TMEM123: variants seen among roughly 807,000 people sequenced by gnomAD.
TMEM123 encodes porimin.
Under a neutral mutation model 19.7 loss-of-function variants are expected in TMEM123, and 16 were observed. The observed-to-expected ratio is 0.81, with a 90% CI of 0.55 to 1.23. The LOEUF (loss-of-function observed/expected upper bound fraction) is 1.23. Ranked by LOEUF, TMEM123 falls within the 50% of genes most tolerant of loss-of-function variation. The pLI is 0.00. For missense variants in TMEM123, 313 were observed against 257.8 expected, an observed-to-expected ratio of 1.21 and a Z score of -1.47; for synonymous variants, 118 against 99.4, an observed-to-expected ratio of 1.19 and a Z score of -1.12.
chr11:102,435,636 T>C lies in TMEM123; in HGVS notation c.157+13176A>G, dbSNP rs1166042513. On this transcript the variant is annotated intron_variant, in intron 2 of 4. Transcript: ENST00000398136. ...GCAAAAGTGTTTACACAAATATTCA[T>C]AGAAGCACTATTCATAATATCAAAA... Among the ~76,000 whole-genome samples, 4 of 151,932 alleles carry C rather than the reference T, an allele frequency of 2.6e-5. 1 individual carries two copies. The highest frequency in any genetic ancestry group is 4.4e-5 in the Non-Finnish European group (3 of 67,896).
At position 102,398,826 on chromosome 11, in the gene TMEM123, G is replaced by GTA. The variant is rs1951883639; in HGVS notation, c.*40_*41insTA. ...TAATAAACCAAAATTAATTGATAGG[G>GTA]CAGCATCAATCTGTATTCCATCCTT... On this transcript the variant is annotated 3_prime_UTR_variant, in exon 5 of 5. Transcript: ENST00000398136. 6.2e-7 allele frequency: 1 copy of GTA among 1,600,056 alleles called. No individual in the cohort carries two copies. The highest frequency in any genetic ancestry group is 8.5e-7 in the Non-Finnish European group (1 of 1,173,528).
In TMEM123 at chr11:102,396,495, A is replaced by T. The variant is rs1951856813; in HGVS notation, c.*2372T>A. 1 of 152,242 alleles carries T rather than the reference A, an allele frequency of 6.6e-6. No individual in the cohort carries two copies. Among genetic ancestry groups the T allele is most frequent in the African/African-American group, 2.4e-5 (1 of 41,460 alleles). 9.4% of individuals were successfully genotyped at this position (152,242 alleles called of 1,614,324 possible). A position where few individuals can be genotyped will look rare whatever the true frequency, so the allele number is the denominator to read the frequency against. ...GCCAACTCTGTTTATCTGTATTTGA[A>T]TTATTCCTTTCATGGATTATTCAAG... On this transcript the variant is annotated 3_prime_UTR_variant, in exon 5 of 5. Coordinates refer to ENST00000398136, the MANE Select transcript of TMEM123 (RefSeq NM_052932.3).
intron 2 of TMEM123, chr11:102,448,406 T>C (rs1857905803): frequency 7.5e-6 from 3 of 399,054 alleles, no homozygotes; most frequent in South Asian, 3.7e-5. Context: ...AGGGTCTCCT[T>C]AGAGTCAGCA....
chr11:102,416,162 A>C (rs1410190443), intron 2 of TMEM123, among the ~76,000 whole-genome samples: 1 of 152,152 alleles, frequency 6.6e-6, no homozygotes, highest in East Asian at 1.9e-4. Flanking sequence ...TGATCCACTC[A>C]CCCTGGCCTC....
rs1469089459 is a variant in TMEM123 at position 102,396,930 on chromosome 11, TGAA to T, written c.*1934_*1936del. The T allele has an allele frequency of 3.3e-5, 5 of 152,212 alleles. No individual in the cohort carries two copies. Among genetic ancestry groups the T allele is most frequent in the African/African-American group, 1.2e-4 (5 of 41,450 alleles). The allele number at this position is 152,212 out of a possible 1,614,324, so 9.4% of individuals were successfully genotyped here. Reference sequence around the variant, plus strand: ...TCGGTCTACGAAGTTCTGACTGACTTGAAGTAGTGAAATACCAAGAATGCAGTG... The same window carrying T: ...TCGGTCTACGAAGTTCTGACTGACTTGTAGTGAAATACCAAGAATGCAGTG... On this transcript the variant is annotated 3_prime_UTR_variant, in exon 5 of 5. Coordinates refer to ENST00000398136, the MANE Select transcript of TMEM123 (RefSeq NM_052932.3).
At position 102,452,513 on chromosome 11, in the gene TMEM123, C is replaced by A. The variant is rs1041270966; in HGVS notation, c.100+11G>T. The stretch of plus-strand genomic sequence containing the variant: ...CCACGAACGGGGCTGACGACCCCCG[C>A]AGCCACTTACCCGCCATGGCTGCGC... On this transcript the variant is annotated intron_variant, in intron 1 of 4. Transcript: ENST00000398136. 8 of 1,523,554 alleles carry A rather than the reference C, an allele frequency of 5.3e-6. No homozygotes were observed. The highest frequency in any genetic ancestry group is 7.0e-6 in the Non-Finnish European group (8 of 1,136,774). The allele number at this position is 1,523,554 out of a possible 1,614,324, so 94.4% of individuals were successfully genotyped here. A position where few individuals can be genotyped will look rare whatever the true frequency, so the allele number is the denominator to read the frequency against.
intron 2 of TMEM123, among the ~76,000 whole-genome samples, chr11:102,433,476 C>T (rs1221151400): frequency 6.6e-6 from 1 of 151,870 alleles, no homozygotes; most frequent in African/African-American, 2.4e-5. Flanking sequence ...AATGCCTGTA[C>T]TCACATTGTA....
At chr11:102,431,069 T>C (rs1012056208) in intron 2 of TMEM123, among the ~76,000 whole-genome samples, 3 of 152,162 alleles carry the variant, frequency 2.0e-5, no homozygotes, top group African/African-American at 7.2e-5. Flanking sequence ...GATATAACCA[T>C]AATGAAATGT....
intron 4 of TMEM123, among the ~76,000 whole-genome samples, chr11:102,400,366 A>G (rs930111713): frequency 3.9e-5 from 6 of 152,232 alleles, no homozygotes; most frequent in African/African-American, 7.2e-5. Flanking sequence ...ATCATAATGT[A>G]TATCAATATT....
At chr11:102,432,784 T>C (rs1045183429) in intron 2 of TMEM123, among the ~76,000 whole-genome samples, 1 of 152,216 alleles carries the variant, frequency 6.6e-6, no homozygotes, top group African/African-American at 2.4e-5. Context: ...AGGGGCCCCC[T>C]GCTCTATGCA....
chr11:102,446,730 T>C (rs1857888167), intron 2 of TMEM123, among the ~76,000 whole-genome samples: 1 of 152,216 alleles, frequency 6.6e-6, no homozygotes, highest in Non-Finnish European at 1.5e-5. Flanking sequence ...AAAGATTCTC[T>C]GAAATTCCAA....
chr11:102,407,640 AACAC>A (rs1165773957), intron 2 of TMEM123, among the ~76,000 whole-genome samples: 1 of 152,206 alleles, frequency 6.6e-6, no homozygotes, highest in Admixed American at 6.5e-5. Context: ...CAGACACACA[AACAC>A]ACACAAAGAA....
At chr11:102,412,900 A>G (rs1021169842) in intron 2 of TMEM123, among the ~76,000 whole-genome samples, 4 of 152,216 alleles carry the variant, frequency 2.6e-5, no homozygotes, top group African/African-American at 9.6e-5. Context: ...CATACCTTCA[A>G]TGTACCTAAA....
chr11:102,398,654 G>A lies in TMEM123; in HGVS notation c.*213C>T, dbSNP rs1012318118. 8.0e-5 allele frequency: 33 copies of A among 410,800 alleles called. No homozygotes were observed. Among genetic ancestry groups the A allele is most frequent in the Non-Finnish European group, 1.2e-4 (31 of 263,328 alleles). The allele number at this position is 410,800 out of a possible 1,614,324, so 25.4% of individuals were successfully genotyped here. The stretch of plus-strand genomic sequence containing the variant: ...TATGAACTTGCTAAAACCATTGTAT[G>A]AACGGTCTATAAGGATCCAGATGTT... On this transcript the variant is annotated 3_prime_UTR_variant, in exon 5 of 5. Transcript: ENST00000398136.
At chr11:102,428,166 C>A (rs1247212099) in intron 2 of TMEM123, among the ~76,000 whole-genome samples, 1 of 151,998 alleles carries the variant, frequency 6.6e-6, no homozygotes, top group Non-Finnish European at 1.5e-5. Context: ...AACAAGAGTA[C>A]ATTAATTTAA....
chr11:102,420,364 T>C (rs935508027), intron 2 of TMEM123, among the ~76,000 whole-genome samples: 4 of 152,230 alleles, frequency 2.6e-5, no homozygotes, highest in African/African-American at 9.6e-5. Flanking sequence ...TGGAATGAGC[T>C]CACAAAAGCT....
At chr11:102,439,838 T>C (rs1857805801) in intron 2 of TMEM123, among the ~76,000 whole-genome samples, 2 of 151,878 alleles carry the variant, frequency 1.3e-5, no homozygotes, top group Non-Finnish European at 2.9e-5. Flanking sequence ...CTAGAATAAA[T>C]AGCATAGAGA....
At chr11:102,426,451 C>CTTT (rs140836722) in intron 2 of TMEM123, among the ~76,000 whole-genome samples, 1 of 143,228 alleles carries the variant, frequency 7.0e-6, no homozygotes, top group South Asian at 2.2e-4. Flanking sequence ...TATTTATTAT[C>CTTT]TTTTTTTTTT....
At chr11:102,412,666 AAAAAG>A (rs1445094796) in intron 2 of TMEM123, among the ~76,000 whole-genome samples, 5 of 152,314 alleles carry the variant, frequency 3.3e-5, no homozygotes, top group South Asian at 2.1e-4. Context: ...GAAATTTTTT[AAAAAG>A]AAAAGACATC....
Sources: allele counts gnomAD v4.1 joint callset (sites outside exome capture counted in the v4.1 genomes callset), GRCh38; gene constraint gnomAD v4.1.1; transcripts MANE v1.5; gene names NCBI Gene and HGNC (gene_info 2026-07-23, HGNC 2026-07-21).